Variants in CHRNG observed in about 807,000 individuals in gnomAD.
The protein encoded by CHRNG is cholinergic receptor nicotinic gamma subunit.
In CHRNG, 72 loss-of-function variants were observed where a neutral mutation model predicts 65.2. The observed-to-expected ratio is 1.10, with a 90% confidence interval of 0.91 to 1.34. The LOEUF (loss-of-function observed/expected upper bound fraction) is 1.34. Ranked by LOEUF, CHRNG falls within the 40% of genes most tolerant of loss-of-function variation. The probability of loss-of-function intolerance (pLI) is 0.00; values close to 1 mark genes in which losing one functional copy is unlikely to be tolerated. For missense variants in CHRNG, 637 were observed against 680.1 expected, an observed-to-expected ratio of 0.94 and a Z score of 0.70; for synonymous variants, 284 against 290.2, an observed-to-expected ratio of 0.98 and a Z score of 0.22.
At position 232,545,959 on chromosome 2, in the gene CHRNG, A is replaced by C; in HGVS notation, c.*243A>C. On this transcript the variant is annotated 3_prime_UTR_variant, in exon 12 of 12. Transcript: ENST00000651502. Reference sequence around the variant, plus strand: ...GCACACACGTGGGATTGGCTAGCTCATCCTGGCACCAGCCACCCCTCCACT... The same window carrying C: ...GCACACACGTGGGATTGGCTAGCTCCTCCTGGCACCAGCCACCCCTCCACT... 1.6e-6 allele frequency: 1 copy of C among 613,548 alleles called. No individual in the cohort carries two copies. Among genetic ancestry groups the C allele is most frequent in the South Asian group, 1.8e-5 (1 of 54,930 alleles). 38.0% of individuals were successfully genotyped at this position (613,548 alleles called of 1,614,324 possible). A position where few individuals can be genotyped will look rare whatever the true frequency, so the allele number is the denominator to read the frequency against.
rs2106221905 is a variant in CHRNG, at chr2:232,543,271, A to G, written c.806-4A>G. ...TGCTCTGAGAGCCTCTCGGTCATGG[A>G]TAGCTGGGGGCCAGAAGTGTACCGT... On this transcript the variant is annotated splice_region_variant and splice_polypyrimidine_tract_variant and intron_variant, in intron 7 of 11. Coordinates refer to ENST00000651502, the MANE Select transcript of CHRNG (RefSeq NM_005199.5). 6.2e-7 allele frequency: 1 copy of G among 1,613,022 alleles called. No homozygotes were observed. The highest frequency in any genetic ancestry group is 8.5e-7 in the Non-Finnish European group (1 of 1,179,052).
rs780996760 is a variant in CHRNG at position 232,542,500 on chromosome 2, T to C, written c.584T>C (p.Ile195Thr). ...GGCCAGACCATCGAGTGGATTTTCA[T>C]TGACCCTGAGGCCTTCACAGGTAAC... The part of the protein sequence containing the change: ...EDGQTIEWIF[I>T]DPEAFTENGE... The change falls in exon 6 of 12, where the codon ATT becomes ACT. Residue 195 changes from isoleucine (I) to threonine (T), a missense_variant. Ile to Thr is a moderately conservative substitution (Grantham distance 89). Transcript: ENST00000651502. 5.6e-6 allele frequency: 9 copies of C among 1,613,594 alleles called. No individual in the cohort carries two copies. The East Asian group carries it at 6.7e-5, about 12-fold the overall frequency.
chr2:232,545,460 G>C lies in CHRNG; in HGVS notation c.1381-83G>C, dbSNP rs956605329. On this transcript the variant is annotated intron_variant, in intron 11 of 11. Coordinates refer to ENST00000651502, the MANE Select transcript of CHRNG (RefSeq NM_005199.5). Reference sequence around the variant, plus strand: ...CCCCAGGAAATGGAGACATGGGCCTGCTGGAAGCCCAAGGATGAGAACAGG... The same window carrying C: ...CCCCAGGAAATGGAGACATGGGCCTCCTGGAAGCCCAAGGATGAGAACAGG... 21 of 1,270,390 alleles carry C rather than the reference G, an allele frequency of 1.7e-5. No individual in the cohort carries two copies. In the African/African-American group the frequency reaches 2.8e-4, roughly 17 times the overall value. The allele number at this position is 1,270,390 out of a possible 1,614,324, so 78.7% of individuals were successfully genotyped here. A position where few individuals can be genotyped will look rare whatever the true frequency, so the allele number is the denominator to read the frequency against.
intron 9 of CHRNG, 88 bp downstream of exon 9, chr2:232,543,787 C>A (rs1286547906): frequency 2.5e-6 from 2 of 795,388 alleles, no homozygotes; most frequent in African/African-American, 1.7e-5. Flanking sequence ...TCACCTGTGG[C>A]ATTCCACAGC....
Position 232,541,282 on chromosome 2 carries a change from C to G in CHRNG, c.351-92C>G. ...TGGTAGGGACTGGTGTCCCCAGGCC[C>G]CTATCCACATGGGGCACAGGGGCTG... On this transcript the variant is annotated intron_variant, in intron 4 of 11. Transcript: ENST00000651502. The surrounding 1 kb of genome is among the most constrained non-coding windows in gnomAD (Gnocchi z 4.0). 1 of 1,526,062 alleles carries G rather than the reference C, an allele frequency of 6.6e-7. No individual in the cohort carries two copies. Among genetic ancestry groups the G allele is most frequent in the Admixed American group, 1.7e-5 (1 of 59,786 alleles). The allele number at this position is 1,526,062 out of a possible 1,614,324, so 94.5% of individuals were successfully genotyped here. A position where few individuals can be genotyped will look rare whatever the true frequency, so the allele number is the denominator to read the frequency against.
chr2:232,541,537 C>A lies in CHRNG; in HGVS notation c.506+8C>A. ...CTGCTCCCTTATCTTCCAGTGAGGC[C>A]ATTTATTGGGGAGGATTAAGAGAGC... On this transcript the variant is annotated splice_region_variant and intron_variant, in intron 5 of 11. Transcript: ENST00000651502. The surrounding 1 kb of genome is among the most constrained non-coding windows in gnomAD (Gnocchi z 4.0). The A allele has an allele frequency of 6.2e-7, 1 of 1,613,246 alleles. No homozygotes were observed. The highest frequency in any genetic ancestry group is 8.5e-7 in the Non-Finnish European group (1 of 1,179,930).
Position 232,543,024 on chromosome 2 carries a change from C to T in CHRNG, c.747C>T (p.Ile249=), listed in dbSNP as rs766716676. The change falls in exon 7 of 12, where the codon ATC becomes ATT. Residue 249 remains isoleucine (I), a synonymous_variant. Transcript: ENST00000651502. ...CCCTCTTCTACGTCATCAACATCAT[C>T]GCCCCCTGTGTGCTCATCTCCTCTG... ...RKPLFYVINI[I]APCVLISSVA... 6.0e-5 allele frequency: 97 copies of T among 1,614,128 alleles called. No individual in the cohort carries two copies. The highest frequency in any genetic ancestry group is 7.7e-5 in the Non-Finnish European group (91 of 1,180,044).
At chr2:232,539,837 C>T in intron 1 of CHRNG, 35 bp downstream of exon 1, 3 of 1,613,128 alleles carry the variant, frequency 1.9e-6, no homozygotes, top group Non-Finnish European at 2.5e-6. Context: ...TGGGGAGTCC[C>T]AGAGCTGGGG....
chr2:232,543,262 CG>C lies in CHRNG; in HGVS notation c.806-11del, dbSNP rs1559304266. On this transcript the variant is annotated splice_polypyrimidine_tract_variant and intron_variant, in intron 7 of 11. Coordinates refer to ENST00000651502, the MANE Select transcript of CHRNG (RefSeq NM_005199.5). Reference sequence around the variant, plus strand: ...GTAGGAACCTGCTCTGAGAGCCTCTCGGTCATGGATAGCTGGGGGCCAGAAG... The same window carrying C: ...GTAGGAACCTGCTCTGAGAGCCTCTCGTCATGGATAGCTGGGGGCCAGAAG... 1.2e-6 allele frequency: 2 copies of C among 1,609,722 alleles called. No individual in the cohort carries two copies.
Position 232,540,184 on chromosome 2 carries a change from G to A in CHRNG, c.195+53G>A. Reference sequence around the variant, plus strand: ...GCGCACCACGCCCTGGGACCTGCTGGGGATAGCATGGGGTGGCTCCAGCCA... The same window carrying A: ...GCGCACCACGCCCTGGGACCTGCTGAGGATAGCATGGGGTGGCTCCAGCCA... On this transcript the variant is annotated intron_variant, in intron 2 of 11. Coordinates refer to ENST00000651502, the MANE Select transcript of CHRNG (RefSeq NM_005199.5). This position sits in a 1 kb window ranked among gnomAD's most constrained non-coding sequence, Gnocchi z 4.2. The A allele has an allele frequency of 6.2e-7, 1 of 1,613,894 alleles. No homozygotes were observed. Among genetic ancestry groups the A allele is most frequent in the Non-Finnish European group, 8.5e-7 (1 of 1,179,908 alleles).
At position 232,541,549 on chromosome 2, in the gene CHRNG, A is replaced by C. The variant is rs759099580; in HGVS notation, c.506+20A>C. On this transcript the variant is annotated intron_variant, in intron 5 of 11. Coordinates refer to ENST00000651502, the MANE Select transcript of CHRNG (RefSeq NM_005199.5). This position sits in a 1 kb window ranked among gnomAD's most constrained non-coding sequence, Gnocchi z 4.0. ...CTTCCAGTGAGGCCATTTATTGGGG[A>C]GGATTAAGAGAGCTGCTCTCAGAGG... is the stretch of plus-strand genomic sequence containing the variant. The C allele has an allele frequency of 1.2e-6, 2 of 1,612,030 alleles. No individual in the cohort carries two copies. The highest frequency in any genetic ancestry group is 8.5e-7 in the Non-Finnish European group (1 of 1,179,864).
Position 232,544,877 on chromosome 2 carries a change from G to A in CHRNG, c.1355G>A (p.Arg452Gln), listed in dbSNP as rs758083179. ...VEACNLIACA[R>Q]HQQSHFDNGN... is the part of the protein sequence containing the mutation. ...GCCTGCAACCTCATTGCCTGTGCCC[G>A]GCACCAGCAGAGTCACTTTGACAAT... is the stretch of plus-strand genomic sequence containing the variant. The change falls in exon 11 of 12, where the codon CGG becomes CAG. Residue 452 changes from arginine to glutamine, a missense_variant. Arg to Gln is a conservative substitution (Grantham distance 43). Transcript: ENST00000651502. The A allele has an allele frequency of 1.8e-5, 29 of 1,613,848 alleles. No homozygotes were observed. The highest frequency in any genetic ancestry group is 2.4e-5 in the Non-Finnish European group (28 of 1,180,020).
chr2:232,545,800 C>CTA lies in CHRNG; in HGVS notation c.*85_*86dup. 6.8e-7 allele frequency: 1 copy of CTA among 1,463,390 alleles called. No individual in the cohort carries two copies. Among genetic ancestry groups the CTA allele is most frequent in the Non-Finnish European group, 9.5e-7 (1 of 1,048,318 alleles). The allele number at this position is 1,463,390 out of a possible 1,614,324, so 90.7% of individuals were successfully genotyped here. On this transcript the variant is annotated 3_prime_UTR_variant, in exon 12 of 12. Coordinates refer to ENST00000651502, the MANE Select transcript of CHRNG (RefSeq NM_005199.5). ...TCAGCCACGTTCTCCTACTGAGGTC[C>CTA]TAAGTGTGCTCTTTGGGAAGTGCCC...
chr2:232,548,082 C>G lies in CHRNG; in HGVS notation c.*2366C>G. 1.6e-6 allele frequency: 1 copy of G among 612,052 alleles called. No homozygotes were observed. The highest frequency in any genetic ancestry group is 2.8e-6 in the Non-Finnish European group (1 of 360,324). 37.9% of individuals were successfully genotyped at this position (612,052 alleles called of 1,614,324 possible). ...ATATACATACCTAAATTTAAAAATACTTTATTGCTAAAAAATGCTGATTAT... is the reference window on the plus strand; with the variant it reads ...ATATACATACCTAAATTTAAAAATAGTTTATTGCTAAAAAATGCTGATTAT... On this transcript the variant is annotated 3_prime_UTR_variant, in exon 12 of 12. Coordinates refer to ENST00000651502, the MANE Select transcript of CHRNG (RefSeq NM_005199.5).
Position 232,543,632 on chromosome 2 carries a change from C to CG in CHRNG, c.968_969insG (p.Val324CysfsTer74). 1 of 1,613,946 alleles carries CG rather than the reference C, an allele frequency of 6.2e-7. No individual in the cohort carries two copies. Among genetic ancestry groups the CG allele is most frequent in the South Asian group, 1.1e-5 (1 of 91,072 alleles). ...GTGACCATCCTCATTGTCGTGAATG[C>CG]TGTGGTTGTGCTCAATGTCTCCTTG... is the stretch of plus-strand genomic sequence containing the variant. On this transcript the variant is annotated frameshift_variant, in exon 9 of 12. Coordinates refer to ENST00000651502, the MANE Select transcript of CHRNG (RefSeq NM_005199.5). LOFTEE classifies it high-confidence loss of function.
rs1027630244 is a variant in CHRNG at position 232,541,878 on chromosome 2, A to G, written c.506+349A>G. On this transcript the variant is annotated intron_variant, in intron 5 of 11. Transcript: ENST00000651502. This position sits in a 1 kb window ranked among gnomAD's most constrained non-coding sequence, Gnocchi z 4.0. ...CACTGCACACTCCAGGCCCACAGGG[A>G]GGCAGGGCTGTCCTGTGAGAGAGGG... The G allele has an allele frequency of 2.5e-6, 1 of 393,272 alleles. No individual in the cohort carries two copies. The highest frequency in any genetic ancestry group is 4.8e-6 in the Non-Finnish European group (1 of 208,454). 24.4% of individuals were successfully genotyped at this position (393,272 alleles called of 1,614,324 possible).
In CHRNG at chr2:232,544,584, A is replaced by G; in HGVS notation, c.1249+4A>G. On this transcript the variant is annotated splice_donor_region_variant and intron_variant, in intron 10 of 11. Coordinates refer to ENST00000651502, the MANE Select transcript of CHRNG (RefSeq NM_005199.5). Reference sequence around the variant, plus strand: ...GCGGCAGCGCTGGAGAAGCTAGGTGAGACACACCAGGTGTGCCTGGGGACA... The same window carrying G: ...GCGGCAGCGCTGGAGAAGCTAGGTGGGACACACCAGGTGTGCCTGGGGACA... 1.2e-6 allele frequency: 2 copies of G among 1,610,996 alleles called. No individual in the cohort carries two copies. Among genetic ancestry groups the G allele is most frequent in the South Asian group, 2.2e-5 (2 of 91,018 alleles).
rs368225965 is a variant in CHRNG at position 232,543,099 on chromosome 2, G to A, written c.805+17G>A. 1.1e-5 allele frequency: 17 copies of A among 1,612,580 alleles called. No homozygotes were observed. Among genetic ancestry groups the A allele is most frequent in the Admixed American group, 1.7e-5 (1 of 60,006 alleles). On this transcript the variant is annotated intron_variant, in intron 7 of 11. Coordinates refer to ENST00000651502, the MANE Select transcript of CHRNG (RefSeq NM_005199.5). The stretch of plus-strand genomic sequence containing the variant: ...CTGCCAAGGGTACCTGGAGCCTATG[G>A]GAAGGAGCCATCCAGTAGCACAGGG...
Position 232,540,206 on chromosome 2 carries a change from G to T in CHRNG, c.195+75G>T. On this transcript the variant is annotated intron_variant, in intron 2 of 11. Coordinates refer to ENST00000651502, the MANE Select transcript of CHRNG (RefSeq NM_005199.5). The surrounding 1 kb of genome is among the most constrained non-coding windows in gnomAD (Gnocchi z 4.2). ...CTGGGGATAGCATGGGGTGGCTCCA[G>T]CCACCAAGAGGTTGGAGGGCCCTAA... is the stretch of plus-strand genomic sequence containing the variant. 1 of 1,612,468 alleles carries T rather than the reference G, an allele frequency of 6.2e-7. No individual in the cohort carries two copies. The highest frequency in any genetic ancestry group is 8.5e-7 in the Non-Finnish European group (1 of 1,178,862).
Sources: gnomAD v4.1 joint callset for allele counts on GRCh38, gnomAD v4.1.1 for gene constraint, Gnocchi (gnomAD v3.1) non-coding constraint, MANE v1.5 for transcripts, NCBI Gene and HGNC (gene_info 2026-07-23, HGNC 2026-07-21) for gene names.